AOPEP: variants seen among roughly 807,000 people sequenced by gnomAD.
The protein encoded by AOPEP is aminopeptidase O (putative).
AOPEP carries 77 observed loss-of-function variants against 98.1 expected under a neutral mutation model. The observed-to-expected ratio is 0.78, with a 90% CI of 0.65 to 0.95. The LOEUF is 0.95. Ranked by LOEUF, AOPEP falls within the 40% of genes least tolerant of loss-of-function variation. The pLI is 0.00. For synonymous variants in AOPEP, 346 were observed against 365.3 expected, an observed-to-expected ratio of 0.95 and a Z score of 0.60; for missense variants, 1,024 against 1,024.7, an observed-to-expected ratio of 1.00 and a Z score of 0.01.
intron 3 of AOPEP, among the ~76,000 whole-genome samples, chr9:94,783,190 C>G (rs1039562450): frequency 1.3e-5 from 2 of 152,180 alleles, no homozygotes; most frequent in African/African-American, 4.8e-5. Context: ...TCCCGTTAGC[C>G]AACAAGGAAA....
chr9:94,967,230 T>C (rs2059257460), intron 9 of AOPEP, among the ~76,000 whole-genome samples: 1 of 152,194 alleles, frequency 6.6e-6, no homozygotes, highest in African/African-American at 2.4e-5. Context: ...TACAAGGGCA[T>C]GAGAAGAGGC....
At chr9:94,872,428 A>G (rs565998776) in intron 5 of AOPEP, among the ~76,000 whole-genome samples, 68 of 152,308 alleles carry the variant, frequency 4.5e-4, no homozygotes, top group Non-Finnish European at 5.6e-4. Flanking sequence ...TCATGAGTGC[A>G]TGTTCTCAGA....
intron 9 of AOPEP, among the ~76,000 whole-genome samples, chr9:94,962,730 CTTTTTTT>C (rs3992777): frequency 7.7e-6 from 1 of 129,760 alleles, no homozygotes; most frequent in African/African-American, 3.1e-5. Context: ...ATATTATCAT[CTTTTTTT>C]TTTTTTTTTT....
At chr9:94,976,473 G>T (rs946782763) in intron 10 of AOPEP, among the ~76,000 whole-genome samples, 21 of 152,108 alleles carry the variant, frequency 1.4e-4, no homozygotes, top group African/African-American at 4.8e-4. Flanking sequence ...TAGCAATTAA[G>T]TCGCTCCTCG....
chr9:94,757,705 T>C (rs919816110), intron 1 of AOPEP, among the ~76,000 whole-genome samples: 1 of 152,246 alleles, frequency 6.6e-6, no homozygotes, highest in African/African-American at 2.4e-5. Context: ...AGCCACTAAA[T>C]TGACCCTTGT....
intron 11 of AOPEP, among the ~76,000 whole-genome samples, chr9:94,996,130 A>G (rs1358617157): frequency 6.6e-6 from 1 of 152,124 alleles, no homozygotes; most frequent in Non-Finnish European, 1.5e-5. Flanking sequence ...GTGTAGCATT[A>G]AACACTGATT....
chr9:95,106,961 A>T, the AOPEP span: 1 of 1,119,150 alleles, frequency 8.9e-7, no homozygotes, highest in Non-Finnish European at 1.3e-6. Context: ...GCTGGGCAGC[A>T]TCCTGGTACA....
chr9:94,813,845 AT>A (rs528880889), intron 5 of AOPEP, among the ~76,000 whole-genome samples: 2 of 152,326 alleles, frequency 1.3e-5, no homozygotes, highest in South Asian at 4.1e-4. Context: ...TCCCCATAGG[AT>A]GCAATGTGAG....
intron 5 of AOPEP, among the ~76,000 whole-genome samples, chr9:94,805,513 A>G (rs1484881000): frequency 3.3e-5 from 5 of 152,008 alleles, no homozygotes; most frequent in African/African-American, 1.2e-4. Flanking sequence ...AAAAAAAGCA[A>G]CAACAACTGA....
At chr9:94,858,889 G>A (rs2044573540) in intron 5 of AOPEP, among the ~76,000 whole-genome samples, 1 of 152,112 alleles carries the variant, frequency 6.6e-6, no homozygotes, top group Non-Finnish European at 1.5e-5. Flanking sequence ...TCTGCTGGGT[G>A]TGGTAGCGGG....
chr9:94,729,400 C>T (rs1400915524), intron 1 of AOPEP, among the ~76,000 whole-genome samples: 1 of 151,814 alleles, frequency 6.6e-6, no homozygotes, highest in Admixed American at 6.6e-5. Context: ...TGAAATCCTG[C>T]CACTACGAAA....
the AOPEP span, among the ~76,000 whole-genome samples, chr9:95,125,777 C>T: frequency 6.6e-6 from 1 of 152,210 alleles, no homozygotes; most frequent in Non-Finnish European, 1.5e-5. Context: ...GCAGTCTGCC[C>T]TGCAGCCTCT....
chr9:94,795,496 G>A (rs1362572240), intron 4 of AOPEP, among the ~76,000 whole-genome samples: 1 of 152,186 alleles, frequency 6.6e-6, no homozygotes, highest in Non-Finnish European at 1.5e-5. Context: ...TGGTGAAGAA[G>A]TACTCTTCTC....
chr9:94,816,956 G>A (rs1164368475), intron 5 of AOPEP, among the ~76,000 whole-genome samples: 1 of 152,174 alleles, frequency 6.6e-6, no homozygotes, highest in African/African-American at 2.4e-5. Flanking sequence ...ATTGCAAAAT[G>A]GTATTACAAT....
At chr9:94,986,553 A>G (rs919667109) in intron 11 of AOPEP, among the ~76,000 whole-genome samples, 4 of 152,194 alleles carry the variant, frequency 2.6e-5, no homozygotes, top group Non-Finnish European at 4.4e-5. Context: ...CTTTGGGTAC[A>G]TGTTTTGGTC....
At chr9:94,862,448 G>C (rs2045150373) in intron 5 of AOPEP, among the ~76,000 whole-genome samples, 1 of 152,196 alleles carries the variant, frequency 6.6e-6, no homozygotes, top group Non-Finnish European at 1.5e-5. Context: ...CATGTCCTGA[G>C]AAAAGGGAGG....
At chr9:95,117,800 C>T in the AOPEP span, among the ~76,000 whole-genome samples, 10 of 150,320 alleles carry the variant, frequency 6.7e-5, no homozygotes, top group Non-Finnish European at 1.0e-4. Context: ...CTCAGCTCAC[C>T]GCAACCTCTG....
At chr9:94,876,948 T>C (rs1166669985) in intron 5 of AOPEP, among the ~76,000 whole-genome samples, 2 of 152,126 alleles carry the variant, frequency 1.3e-5, no homozygotes, top group Non-Finnish European at 2.9e-5. Flanking sequence ...AAATCCAAGA[T>C]TTTTCCCAAT....
intron 9 of AOPEP, among the ~76,000 whole-genome samples, chr9:94,964,624 A>G (rs908476346): frequency 3.7e-4 from 56 of 151,210 alleles, no homozygotes; most frequent in African/African-American, 1.3e-3. Context: ...TTATCATTAC[A>G]AGTACTTGGA....
Sources: gnomAD v4.1 joint callset for allele counts (sites outside exome capture counted in the v4.1 genomes callset) on GRCh38, gnomAD v4.1.1 for gene constraint, MANE v1.5 for transcripts, NCBI Gene and HGNC (gene_info 2026-07-23, HGNC 2026-07-21) for gene names.